The following CFAP44 variants were observed in gnomAD, a reference collection of about 807,000 sequenced individuals.
CFAP44 encodes cilia and flagella associated protein 44, also known as cilia- and flagella-associated protein 44.
CFAP44 carries 134 observed loss-of-function variants against 216.2 expected under a neutral mutation model. The ratio of observed to expected loss-of-function variants is 0.62; its 90% CI spans 0.54 to 0.72. The LOEUF (loss-of-function observed/expected upper bound fraction) is 0.72, where lower values mean the gene tolerates loss of function less well. Among genes scored for constraint, CFAP44 ranks in the 30% least tolerant of loss-of-function variants. The probability of loss-of-function intolerance (pLI) is 0.00; values close to 1 mark genes in which losing one functional copy is unlikely to be tolerated. For missense variants in CFAP44, 2,035 were observed against 2,182.1 expected (o/e 0.93, Z 1.34); for synonymous variants, 700 against 727.6 (o/e 0.96, Z 0.61).
chr3:113,396,510 CT>C lies in CFAP44; in HGVS notation c.1779+7del, dbSNP rs1559934821. On this transcript the variant is annotated splice_region_variant and intron_variant, in intron 14 of 34. Coordinates refer to ENST00000393845, the MANE Select transcript of CFAP44 (RefSeq NM_001164496.2). ...TCAACAAGAAAAGAAAGGAAATGTA[CT>C]GCTTACCCCTGTGGCTAGAATTTCC... The C allele has an allele frequency of 6.2e-7, 1 of 1,612,740 alleles. No homozygotes were observed. The highest frequency in any genetic ancestry group is 1.7e-5 in the Admixed American group (1 of 59,856).
intron 28 of CFAP44, among the ~76,000 whole-genome samples, chr3:113,318,965 A>C (rs541742177): frequency 6.6e-6 from 1 of 152,022 alleles, no homozygotes; most frequent in African/African-American, 2.4e-5. Context: ...AACAAAAAAA[A>C]ACAAAAAAAA....
intron 14 of CFAP44, 53 bp downstream of exon 14, chr3:113,396,465 G>A (rs1933992995): frequency 6.4e-7 from 1 of 1,563,584 alleles, no homozygotes; most frequent in Non-Finnish European, 8.7e-7. Context: ...GGACTTATAA[G>A]GCAATTTAAC....
At chr3:113,368,411 C>G (rs113708497) in intron 18 of CFAP44, among the ~76,000 whole-genome samples, 12,333 of 152,232 alleles carry the variant, frequency 0.081, 595 homozygotes, top group East Asian at 0.15. Flanking sequence ...ACCCTACAAG[C>G]CAGAAGAGAG....
intron 8 of CFAP44, among the ~76,000 whole-genome samples, chr3:113,406,430 C>G (rs937229873): frequency 6.6e-6 from 1 of 152,142 alleles, no homozygotes; most frequent in Non-Finnish European, 1.5e-5. Flanking sequence ...CAAGACCATC[C>G]TGGCTAACAC....
intron 1 of CFAP44, among the ~76,000 whole-genome samples, chr3:113,439,465 C>G (rs554513299): frequency 6.6e-6 from 1 of 152,316 alleles, no homozygotes; most frequent in African/African-American, 2.4e-5. Flanking sequence ...TATTGTTGAT[C>G]TTTGTAGCCA....
At chr3:113,304,895 G>A (rs1949970446) in intron 31 of CFAP44, 141 bp downstream of exon 31, 1 of 661,448 alleles carries the variant, frequency 1.5e-6, no homozygotes, top group Non-Finnish European at 2.6e-6. Context: ...GATAAGACAA[G>A]TGTAGGTGTC....
At chr3:113,377,867 G>A (rs1350303238) in intron 17 of CFAP44, among the ~76,000 whole-genome samples, 2 of 152,072 alleles carry the variant, frequency 1.3e-5, no homozygotes, top group Non-Finnish European at 2.9e-5. Context: ...TGGCGAGAAT[G>A]GTCTTGATCT....
At position 113,323,605 on chromosome 3, in the gene CFAP44, GA is replaced by G. The variant is rs1242781835; in HGVS notation, c.4516+2839del. The stretch of plus-strand genomic sequence containing the variant: ...AAAATAAAAGCTGAATTTTTTTTTA[GA>G]AAAAAAGAATGCAACAGGTGATATT... On this transcript the variant is annotated intron_variant, in intron 28 of 34. Transcript: ENST00000393845. Among the ~76,000 whole-genome samples, 4 of 151,568 alleles carry G rather than the reference GA, an allele frequency of 2.6e-5. No homozygotes were observed. The East Asian group carries it at 7.7e-4, about 29-fold the overall frequency.
chr3:113,407,709 G>T (rs947791000), intron 7 of CFAP44, among the ~76,000 whole-genome samples: 1 of 152,060 alleles, frequency 6.6e-6, no homozygotes, highest in African/African-American at 2.4e-5. Flanking sequence ...CTTATTAATA[G>T]TCTAAACAAA....
intron 4 of CFAP44, among the ~76,000 whole-genome samples, chr3:113,424,774 C>A (rs1045279508): frequency 1.3e-5 from 2 of 152,146 alleles, no homozygotes; most frequent in African/African-American, 4.8e-5. Context: ...CCATCCAGCA[C>A]GAATAGAGAT....
intron 34 of CFAP44, among the ~76,000 whole-genome samples, chr3:113,293,738 T>A (rs970939563): frequency 6.6e-6 from 1 of 152,254 alleles, no homozygotes; most frequent in African/African-American, 2.4e-5. Flanking sequence ...TCCTTTCACA[T>A]CTAATCTTCA....
At chr3:113,338,253 C>A (rs9881248) in intron 24 of CFAP44, among the ~76,000 whole-genome samples, 1 of 40,956 alleles carries the variant, frequency 2.4e-5, no homozygotes, top group African/African-American at 1.2e-4. Flanking sequence ...GAGACAATGT[C>A]TCAAAAAAAA....
intron 24 of CFAP44, among the ~76,000 whole-genome samples, chr3:113,334,538 A>G (rs1950266110): frequency 6.6e-6 from 1 of 152,184 alleles, no homozygotes; most frequent in Non-Finnish European, 1.5e-5. Context: ...CCCACAAGAT[A>G]AGGCCACAAA....
At chr3:113,422,861 A>G (rs1168455572) in intron 4 of CFAP44, among the ~76,000 whole-genome samples, 1 of 152,190 alleles carries the variant, frequency 6.6e-6, no homozygotes, top group Non-Finnish European at 1.5e-5. Flanking sequence ...TAATTTTAGC[A>G]GGAAAACTCC....
At position 113,304,097 on chromosome 3, in the gene CFAP44, T is replaced by C; in HGVS notation, c.4896A>G (p.Gly1632=). Residue 1632 remains glycine, a synonymous_variant, in exon 32 of 35, where the codon GGA becomes GGG. Coordinates refer to ENST00000393845, the MANE Select transcript of CFAP44 (RefSeq NM_001164496.2). The part of the protein sequence containing the change: ...KLHQIEYVVF[G]EIPSDLSGTL... ...TACCAGAAAGATCGCTAGGTATTTC[T>C]CCAAATACCACATACTCTATCTACA... The C allele has an allele frequency of 6.5e-7, 1 of 1,537,192 alleles. No homozygotes were observed. The highest frequency in any genetic ancestry group is 8.7e-7 in the Non-Finnish European group (1 of 1,146,878).
At chr3:113,362,563 A>G (rs1434149140) in intron 21 of CFAP44, among the ~76,000 whole-genome samples, 1 of 152,190 alleles carries the variant, frequency 6.6e-6, no homozygotes, top group Non-Finnish European at 1.5e-5. Context: ...TAGGCATCAG[A>G]AACCCCAGGG....
intron 5 of CFAP44, among the ~76,000 whole-genome samples, chr3:113,419,042 T>G (rs1184545591): frequency 6.6e-6 from 1 of 152,208 alleles, no homozygotes; most frequent in Non-Finnish European, 1.5e-5. Context: ...CTCTGACTAC[T>G]GTCCTCAAAC....
intron 28 of CFAP44, among the ~76,000 whole-genome samples, chr3:113,312,079 T>G (rs1300152817): frequency 2.0e-5 from 3 of 149,316 alleles, no homozygotes; most frequent in Non-Finnish European, 4.5e-5. Flanking sequence ...GTGTGTTTTT[T>G]TTTTTTTTTT....
At chr3:113,440,779 G>C (rs1207449236) in intron 1 of CFAP44, among the ~76,000 whole-genome samples, 1 of 152,110 alleles carries the variant, frequency 6.6e-6, no homozygotes, top group Non-Finnish European at 1.5e-5. Context: ...CCTTGTCAGA[G>C]GGTCTGTAGC....
Sources: allele counts gnomAD v4.1 joint callset (sites outside exome capture counted in the v4.1 genomes callset), GRCh38; gene constraint gnomAD v4.1.1; transcripts MANE v1.5; gene names NCBI Gene and HGNC (gene_info 2026-07-23, HGNC 2026-07-21).